The following PHLDB3 variants were observed in gnomAD, a reference collection of about 807,000 sequenced individuals.
The protein encoded by PHLDB3 is pleckstrin homology-like domain family B member 3.
PHLDB3 carries 86 observed loss-of-function variants against 85.7 expected under a neutral mutation model. The ratio of observed to expected loss-of-function variants is 1.00; its 90% CI spans 0.84 to 1.20. The LOEUF (loss-of-function observed/expected upper bound fraction) is 1.20, where lower values mean the gene tolerates loss of function less well. PHLDB3 is among the 50% of genes most tolerant of loss of function. PHLDB3 has a pLI of 0.00. For synonymous variants in PHLDB3, 376 were observed against 349.8 expected, an observed-to-expected ratio of 1.07 and a Z score of -0.83; for missense variants, 995 against 873.0, an observed-to-expected ratio of 1.14 and a Z score of -1.76.
intron 13 of PHLDB3, among the ~76,000 whole-genome samples, chr19:43,479,936 C>A (rs180733196): frequency 1.3e-5 from 2 of 151,852 alleles, no homozygotes; most frequent in African/African-American, 4.8e-5. Context: ...TATTTCTGAC[C>A]CTAGAGCTCA....
chr19:43,486,255 G>T lies in PHLDB3; in HGVS notation c.1485+11C>A, dbSNP rs368244690. On this transcript the variant is annotated intron_variant, in intron 13 of 15. Coordinates refer to ENST00000292140, the MANE Select transcript of PHLDB3 (RefSeq NM_198850.4). ...GGGAGAGGTGGGCGTGAGGGCGGGG[G>T]TGGGACTGACCGTGATGGCAGGAAC... 4.5e-6 allele frequency: 7 copies of T among 1,555,302 alleles called. No homozygotes were observed. The highest frequency in any genetic ancestry group is 1.1e-5 in the South Asian group (1 of 88,964).
chr19:43,484,770 A>C (rs1971118248), intron 13 of PHLDB3, among the ~76,000 whole-genome samples: 1 of 152,182 alleles, frequency 6.6e-6, no homozygotes, highest in Admixed American at 6.6e-5. Context: ...AAAGGATACA[A>C]TATTTTGCTT....
Position 43,497,623 on chromosome 19 carries a change from A to C in PHLDB3, c.663+125T>G, listed in dbSNP as rs1044199465. On this transcript the variant is annotated intron_variant, in intron 5 of 15. Coordinates refer to ENST00000292140, the MANE Select transcript of PHLDB3 (RefSeq NM_198850.4). ...GCTACACGGGAGGCTGAGATGGGAG[A>C]ATCGCTTGAACCTGGGAGGCGGAGG... The C allele has an allele frequency of 2.6e-5, 26 of 1,014,522 alleles. No homozygotes were observed. The South Asian group carries it at 4.1e-4, about 16-fold the overall frequency. 62.8% of individuals were successfully genotyped at this position (1,014,522 alleles called of 1,614,324 possible).
At chr19:43,503,316 C>CTCTCTCTCTCTCTCTCT (rs1568487192) in intron 2 of PHLDB3, among the ~76,000 whole-genome samples, 2 of 139,698 alleles carry the variant, frequency 1.4e-5, no homozygotes, top group African/African-American at 2.8e-5. Flanking sequence ...CTCTCTCTCT[C>CTCTCTCTCTCTCTCTCT]ATTTTTAGAG....
In PHLDB3 at chr19:43,502,202, G is replaced by C. The variant is rs1213836944; in HGVS notation, c.295C>G (p.Arg99Gly). ...SSREGVRGAA[R>G]RLQGQQLEAL... The stretch of plus-strand genomic sequence containing the variant: ...TCCAGCTGCTGTCCTTGCAGGCGCC[G>C]CGCCGCCCCTCGCACCCCTTCCCGC... Residue 99 changes from arginine (R) to glycine (G), a missense_variant, in exon 3 of 16, where the codon CGG (arginine) becomes GGG (glycine). Arg to Gly is a moderately radical substitution (Grantham distance 125). Transcript: ENST00000292140. The C allele has an allele frequency of 6.4e-7, 1 of 1,569,408 alleles. No homozygotes were observed. Among genetic ancestry groups the C allele is most frequent in the African/African-American group, 1.4e-5 (1 of 73,704 alleles).
Position 43,502,121 on chromosome 19 carries a change from T to G in PHLDB3, c.376A>C (p.Arg126=). ...CTCACCTCGATCCTCAGCTCCTTCCTCTGGCGCTGTAGCTCCTTCACTCGC... is the reference window on the plus strand; with the variant it reads ...CTCACCTCGATCCTCAGCTCCTTCCGCTGGCGCTGTAGCTCCTTCACTCGC... ...EQRVKELQRQ[R]KELRIEMEVE... Residue 126 remains arginine, a synonymous_variant, in exon 3 of 16, where the codon AGG becomes CGG. Coordinates refer to ENST00000292140, the MANE Select transcript of PHLDB3 (RefSeq NM_198850.4). 1.3e-6 allele frequency: 2 copies of G among 1,576,370 alleles called. No homozygotes were observed. Among genetic ancestry groups the G allele is most frequent in the Non-Finnish European group, 1.7e-6 (2 of 1,161,704 alleles).
intron 10 of PHLDB3, 64 bp from the exon 11 acceptor site, chr19:43,486,934 C>G: frequency 1.4e-6 from 2 of 1,480,166 alleles, no homozygotes; most frequent in Non-Finnish European, 1.8e-6. Context: ...TCCACTTCTC[C>G]CCTGCAGGCA....
In PHLDB3 at chr19:43,497,303, G is replaced by C. The variant is rs186378443; in HGVS notation, c.664-24C>G. On this transcript the variant is annotated intron_variant, in intron 5 of 15. Coordinates refer to ENST00000292140, the MANE Select transcript of PHLDB3 (RefSeq NM_198850.4). ...ATCTATAGGTCGGAACACAAAAAGG[G>C]TGGAGGCCTGAATCCCTAAGACCCC... The C allele has an allele frequency of 8.5e-4, 1,185 of 1,396,966 alleles. 4 individuals carry two copies. The Middle Eastern group carries it at 0.019, about 23-fold the overall frequency. 86.5% of individuals were successfully genotyped at this position (1,396,966 alleles called of 1,614,324 possible).
chr19:43,502,787 G>C (rs1971646187), intron 2 of PHLDB3, among the ~76,000 whole-genome samples: 1 of 152,022 alleles, frequency 6.6e-6, no homozygotes, highest in South Asian at 2.1e-4. Context: ...CGGAGTGGGG[G>C]AGGGTGCAAG....
In PHLDB3 at chr19:43,478,098, G is replaced by A. The variant is rs1970965597; in HGVS notation, c.1737C>T (p.Tyr579=). ...AATAGACTTCCTCAATGGCCTGGAA[G>A]TAGATGACACCTTTGAGCTTGGTCT... ...KEETKLKGVI[Y]FQAIEEVYYD... The change falls in exon 15 of 16, where the codon TAC becomes TAT. Residue 579 remains tyrosine, a synonymous_variant. Transcript: ENST00000292140. The A allele has an allele frequency of 1.9e-6, 3 of 1,613,696 alleles. No homozygotes were observed. Among genetic ancestry groups the A allele is most frequent in the Middle Eastern group, 3.3e-4 (2 of 6,060 alleles).
chr19:43,487,585 A>AAAAAAAAAAAAAAAAAC (rs1568477408), intron 9 of PHLDB3, among the ~76,000 whole-genome samples: 1 of 141,632 alleles, frequency 7.1e-6, no homozygotes, highest in Admixed American at 7.0e-5. Flanking sequence ...AAAAAAAAAA[A>AAAAAAAAAAAAAAAAAC]AAAAAAACAC....
intron 15 of PHLDB3, among the ~76,000 whole-genome samples, chr19:43,476,017 G>A (rs550933860): frequency 1.3e-5 from 2 of 152,220 alleles, no homozygotes; most frequent in African/African-American, 4.8e-5. Flanking sequence ...GGATGGTCTC[G>A]ATCTCTTGAC....
Position 43,487,038 on chromosome 19 carries a change from G to C in PHLDB3, c.1235C>G (p.Ser412Cys). ...GGGATCCTCACCAGTACAATGGAAG[G>C]ACAGAGGTCGGGGGGATCCTCTCTG... is the stretch of plus-strand genomic sequence containing the variant. Reference protein sequence around the residue: ...GSQRGSPRPLSFHCTESLEAS... With the variant: ...GSQRGSPRPLCFHCTESLEAS... The change falls in exon 10 of 16, where the codon TCC (serine) becomes TGC (cysteine). Residue 412 changes from serine to cysteine, a missense_variant. Coordinates refer to ENST00000292140, the MANE Select transcript of PHLDB3 (RefSeq NM_198850.4). 6.4e-7 allele frequency: 1 copy of C among 1,571,818 alleles called. No individual in the cohort carries two copies. The highest frequency in any genetic ancestry group is 8.6e-7 in the Non-Finnish European group (1 of 1,161,070).
intron 9 of PHLDB3, among the ~76,000 whole-genome samples, chr19:43,490,180 C>G (rs866072162): frequency 2.6e-5 from 4 of 151,692 alleles, no homozygotes; most frequent in South Asian, 2.1e-4. Flanking sequence ...TGAAATCGAT[C>G]ATTGAACTGT....
intron 2 of PHLDB3, among the ~76,000 whole-genome samples, chr19:43,502,676 A>T (rs1971642537): frequency 7.2e-6 from 1 of 139,622 alleles, no homozygotes; most frequent in Non-Finnish European, 1.5e-5. Context: ...GGCTGGTCTC[A>T]AACTCCTAGG....
In PHLDB3 at chr19:43,486,466, C is replaced by T. The variant is rs1006542412; in HGVS notation, c.1428+143G>A. The T allele has an allele frequency of 5.6e-6, 7 of 1,256,374 alleles. No individual in the cohort carries two copies. The African/African-American group carries it at 7.5e-5, about 13-fold the overall frequency. The allele number at this position is 1,256,374 out of a possible 1,614,324, so 77.8% of individuals were successfully genotyped here. On this transcript the variant is annotated intron_variant, in intron 12 of 15. Transcript: ENST00000292140. ...GGTATGAGGGAGGATGGGCTGGGGG[C>T]CTGGACTCCTGGGTCTGAGGGTGGA...
At chr19:43,494,375 T>C (rs1466725643) in intron 9 of PHLDB3, among the ~76,000 whole-genome samples, 1 of 143,044 alleles carries the variant, frequency 7.0e-6, no homozygotes, top group East Asian at 2.0e-4. Flanking sequence ...TCTAGAAGGA[T>C]TCTCAAAACA....
intron 9 of PHLDB3, among the ~76,000 whole-genome samples, chr19:43,493,705 C>A (rs952950121): frequency 6.7e-6 from 1 of 150,124 alleles, no homozygotes; most frequent in African/African-American, 2.4e-5. Context: ...TGATAGATAC[C>A]CCAATACCCT....
At chr19:43,503,007 A>T (rs58408419) in intron 2 of PHLDB3, among the ~76,000 whole-genome samples, 103,552 of 151,962 alleles carry the variant, frequency 0.68, 35,216 homozygotes, top group East Asian at 0.73. Context: ...AGATCTGTCC[A>T]CTAGAATCAC....
Sources: allele counts gnomAD v4.1 joint callset (sites outside exome capture counted in the v4.1 genomes callset), GRCh38; gene constraint gnomAD v4.1.1; transcripts MANE v1.5; gene names NCBI Gene and HGNC (gene_info 2026-07-23, HGNC 2026-07-21).